The following GSAP variants were observed in gnomAD, a reference collection of about 807,000 sequenced individuals.
GSAP encodes gamma-secretase-activating protein.
Under a neutral mutation model 131.7 loss-of-function variants are expected in GSAP, and 118 were observed. That is an observed-to-expected ratio of 0.90 (90% CI 0.77 to 1.04). The LOEUF is 1.04. Among genes scored for constraint, GSAP ranks in the 50% least tolerant of loss-of-function variants. The pLI is 0.00. For missense variants in GSAP, 1,019 were observed against 1,013.2 expected, an observed-to-expected ratio of 1.01 and a Z score of -0.08; for synonymous variants, 381 against 363.4, an observed-to-expected ratio of 1.05 and a Z score of -0.55.
intron 5 of GSAP, 71 bp from the exon 6 acceptor site, chr7:77,387,519 T>C (rs900138297): frequency 2.4e-6 from 2 of 824,618 alleles, no homozygotes; most frequent in Non-Finnish European, 4.2e-6. Context: ...AAGCAAGGAG[T>C]AAGAACAATT....
At chr7:77,312,514 G>A (rs927451766) in intron 28 of GSAP, among the ~76,000 whole-genome samples, 3 of 152,182 alleles carry the variant, frequency 2.0e-5, no homozygotes, top group East Asian at 1.9e-4. Context: ...TGTTTTGACC[G>A]GAAACTAAGG....
chr7:77,413,833 TGGATACAC>T (rs377741442), intron 1 of GSAP, among the ~76,000 whole-genome samples: 5 of 147,754 alleles, frequency 3.4e-5, no homozygotes, highest in Admixed American at 2.8e-4. Flanking sequence ...AGCTGGGTAG[TGGATACAC>T]GGTTTTACTT....
intron 26 of GSAP, chr7:77,314,726 C>A: frequency 2.4e-6 from 1 of 408,320 alleles, no homozygotes; most frequent in East Asian, 5.0e-5. Flanking sequence ...GGGTCTCTTC[C>A]TGCACAGAAA....
chr7:77,319,172 C>G (rs1395498439), intron 26 of GSAP, among the ~76,000 whole-genome samples: 1 of 152,074 alleles, frequency 6.6e-6, no homozygotes, highest in African/African-American at 2.4e-5. Context: ...GAGTTAATAT[C>G]TAAAACATAT....
chr7:77,368,117 G>C (rs1481111137), intron 12 of GSAP, among the ~76,000 whole-genome samples: 1 of 152,086 alleles, frequency 6.6e-6, no homozygotes, highest in African/African-American at 2.4e-5. Flanking sequence ...ATGGGTTCCT[G>C]GAGTTGTACA....
chr7:77,312,336 AC>A, intron 28 of GSAP, 134 bp from the exon 29 acceptor site: 1 of 549,120 alleles, frequency 1.8e-6, no homozygotes, highest in Non-Finnish European at 3.2e-6. Context: ...ATGATTAAGG[AC>A]CCTTGGAGAA....
At chr7:77,376,548 G>A (rs2151005095) in intron 10 of GSAP, among the ~76,000 whole-genome samples, 1 of 152,184 alleles carries the variant, frequency 6.6e-6, no homozygotes, top group Admixed American at 6.5e-5. Flanking sequence ...GGCCGAGGCA[G>A]GTGGATCACG....
At chr7:77,311,810 G>C (rs1014322363) in intron 30 of GSAP, 31 bp downstream of exon 30, 3 of 1,033,768 alleles carry the variant, frequency 2.9e-6, no homozygotes, top group Non-Finnish European at 4.6e-6. Context: ...GGGAAAAGTG[G>C]TAAGACCCTG....
At chr7:77,363,120 C>T in intron 12 of GSAP, among the ~76,000 whole-genome samples, 1 of 152,228 alleles carries the variant, frequency 6.6e-6, no homozygotes, top group East Asian at 1.9e-4. Context: ...TGTGATCTAT[C>T]TTATGGGTCA....
At chr7:77,416,167 C>A in intron 1 of GSAP, 46 bp downstream of exon 1, 1 of 1,123,232 alleles carries the variant, frequency 8.9e-7, no homozygotes, top group Non-Finnish European at 1.2e-6. Context: ...GTATGAGGGA[C>A]TCCCACTCCC....
chr7:77,416,161 G>A (rs2151255644), intron 1 of GSAP, 52 bp downstream of exon 1: 3 of 1,089,320 alleles, frequency 2.8e-6, no homozygotes, highest in East Asian at 3.2e-5. Flanking sequence ...CGGGGGGTAT[G>A]AGGGACTCCC....
chr7:77,339,263 T>C (rs942488677), intron 19 of GSAP, among the ~76,000 whole-genome samples: 1 of 151,958 alleles, frequency 6.6e-6, no homozygotes, highest in East Asian at 1.9e-4. Flanking sequence ...TTGGAGTGAA[T>C]GGGTGGTATT....
chr7:77,366,414 A>G (rs987590467), intron 12 of GSAP, among the ~76,000 whole-genome samples: 4 of 152,118 alleles, frequency 2.6e-5, no homozygotes, highest in Middle Eastern at 6.3e-3. Context: ...ATTTTTGTCT[A>G]TGTTGTAAGG....
intron 16 of GSAP, among the ~76,000 whole-genome samples, chr7:77,354,394 A>C (rs1362562716): frequency 6.6e-6 from 1 of 152,220 alleles, no homozygotes; most frequent in African/African-American, 2.4e-5. Context: ...CATGTCTCTA[A>C]AACACTAGAA....
chr7:77,371,520 C>T (rs111891304), intron 12 of GSAP, among the ~76,000 whole-genome samples: 51 of 151,822 alleles, frequency 3.4e-4, no homozygotes, highest in African/African-American at 1.1e-3. Flanking sequence ...CTGCAACCTC[C>T]GCCTCTTGGG....
chr7:77,410,289 T>C (rs1437615961), intron 1 of GSAP, among the ~76,000 whole-genome samples: 1 of 152,192 alleles, frequency 6.6e-6, no homozygotes. Context: ...TTTGGTAATG[T>C]TGCAAATCCA....
chr7:77,400,235 A>G (rs1369588551), intron 3 of GSAP, among the ~76,000 whole-genome samples: 1 of 152,186 alleles, frequency 6.6e-6, no homozygotes, highest in Non-Finnish European at 1.5e-5. Context: ...TCCCAGTGGT[A>G]AACAAGCTTT....
rs528627167 is a variant in GSAP at position 77,404,462 on chromosome 7, A to T, written c.243+97T>A. 1.0e-4 allele frequency: 74 copies of T among 713,526 alleles called. 1 individual carries two copies. The South Asian group carries it at 1.2e-3, about 12-fold the overall frequency. 44.2% of individuals were successfully genotyped at this position (713,526 alleles called of 1,614,324 possible). On this transcript the variant is annotated intron_variant, in intron 3 of 30. Coordinates refer to ENST00000257626, the MANE Select transcript of GSAP (RefSeq NM_017439.4). ...TTTCAAATAAAATGTTTACAGAAAA[A>T]GAGAAAATAAAGTTGGAATTTATAT...
intron 12 of GSAP, among the ~76,000 whole-genome samples, chr7:77,370,289 C>A (rs991829197): frequency 2.0e-5 from 3 of 152,128 alleles, no homozygotes; most frequent in African/African-American, 7.2e-5. Flanking sequence ...GAAACCCCGT[C>A]TCCACTAAAA....
Sources: gnomAD v4.1 joint callset for allele counts (sites outside exome capture counted in the v4.1 genomes callset) on GRCh38, gnomAD v4.1.1 for gene constraint, MANE v1.5 for transcripts, NCBI Gene and HGNC (gene_info 2026-07-23, HGNC 2026-07-21) for gene names.